The following ZNF713 variants were observed in gnomAD, a reference collection of about 807,000 sequenced individuals.
ZNF713 encodes zinc finger protein 713.
In ZNF713, 21 loss-of-function variants were observed where a neutral mutation model predicts 28.7. The ratio of observed to expected loss-of-function variants is 0.73; its 90% CI spans 0.52 to 1.05. ZNF713 has a LOEUF of 1.05. Ranked by LOEUF, ZNF713 falls within the 50% of genes least tolerant of loss-of-function variation. The pLI, the probability that ZNF713 is intolerant of heterozygous loss-of-function variation, is 0.00. For synonymous variants in ZNF713, 167 were observed against 178.0 expected (o/e 0.94, Z 0.49); for missense variants, 458 against 532.4 (o/e 0.86, Z 1.37).
intron 1 of ZNF713, among the ~76,000 whole-genome samples, chr7:55,892,056 G>T (rs554607515): frequency 1.3e-5 from 2 of 152,158 alleles, no homozygotes; most frequent in East Asian, 1.9e-4. Flanking sequence ...TAGGCAGGCG[G>T]ATCACGAGGT....
At chr7:55,891,179 C>G (rs1437923278) in intron 1 of ZNF713, among the ~76,000 whole-genome samples, 1 of 152,026 alleles carries the variant, frequency 6.6e-6, no homozygotes, top group Non-Finnish European at 1.5e-5. Context: ...TATACAGGAA[C>G]TAAGAAATAA....
At chr7:55,903,290 C>T (rs1029193704) in intron 1 of ZNF713, among the ~76,000 whole-genome samples, 2 of 152,154 alleles carry the variant, frequency 1.3e-5, no homozygotes, top group Non-Finnish European at 2.9e-5. Flanking sequence ...AGACCAGGTT[C>T]CTACCGTCAT....
chr7:55,888,743 A>ATGCG (rs371273023), intron 1 of ZNF713, among the ~76,000 whole-genome samples: 3 of 108,708 alleles, frequency 2.8e-5, no homozygotes, highest in African/African-American at 7.1e-5. Flanking sequence ...ACGTACATAC[A>ATGCG]TACATAGATT....
At chr7:55,892,565 A>AAC (rs1554335050) in intron 1 of ZNF713, among the ~76,000 whole-genome samples, 3 of 149,782 alleles carry the variant, frequency 2.0e-5, no homozygotes, top group Non-Finnish European at 4.5e-5. Context: ...CAAAAAAAAA[A>AAC]AAAAAAAAAA....
chr7:55,897,935 A>G (rs1187866789), intron 1 of ZNF713, among the ~76,000 whole-genome samples: 1 of 152,186 alleles, frequency 6.6e-6, no homozygotes, highest in Non-Finnish European at 1.5e-5. Flanking sequence ...CAATGAGATG[A>G]CTGGTGACTC....
intron 6 of ZNF713, among the ~76,000 whole-genome samples, chr7:55,933,935 G>A (rs997244776): frequency 3.3e-5 from 5 of 151,864 alleles, no homozygotes; most frequent in Admixed American, 3.3e-4. Context: ...TGAGCTCCTG[G>A]GCTCAAGCAT....
At chr7:55,933,910 T>G (rs2116265379) in intron 6 of ZNF713, among the ~76,000 whole-genome samples, 1 of 152,156 alleles carries the variant, frequency 6.6e-6, no homozygotes, top group East Asian at 1.9e-4. Flanking sequence ...TTTGCCATGT[T>G]GCCCAGGCTG....
At chr7:55,937,057 G>T (rs941567091) in intron 6 of ZNF713, among the ~76,000 whole-genome samples, 2 of 152,154 alleles carry the variant, frequency 1.3e-5, no homozygotes, top group African/African-American at 4.8e-5. Flanking sequence ...CCAGCACTTG[G>T]GGAGGCCAAG....
At chr7:55,920,593 C>G (rs1426954367) in intron 4 of ZNF713, among the ~76,000 whole-genome samples, 1 of 152,168 alleles carries the variant, frequency 6.6e-6, no homozygotes, top group Non-Finnish European at 1.5e-5. Context: ...AAGAAGCTGT[C>G]TCGATAACAT....
intron 4 of ZNF713, among the ~76,000 whole-genome samples, chr7:55,919,504 T>G (rs1485014721): frequency 5.1e-5 from 3 of 58,468 alleles, no homozygotes; most frequent in African/African-American, 8.5e-5. Context: ...TTTTTTTTTT[T>G]TTTTTTTTTT....
At chr7:55,908,229 G>A (rs1584304036) in intron 2 of ZNF713, among the ~76,000 whole-genome samples, 1 of 136,646 alleles carries the variant, frequency 7.3e-6, no homozygotes, top group Non-Finnish European at 1.5e-5. Context: ...TGCAACCTCC[G>A]TCTCCCAGGC....
At chr7:55,929,913 A>C (rs1255807645) in intron 6 of ZNF713, among the ~76,000 whole-genome samples, 1 of 152,222 alleles carries the variant, frequency 6.6e-6, no homozygotes, top group Non-Finnish European at 1.5e-5. Flanking sequence ...TGCATGGTAT[A>C]AAATAATAAT....
chr7:55,895,367 G>C (rs1037145555), intron 1 of ZNF713, among the ~76,000 whole-genome samples: 3 of 150,606 alleles, frequency 2.0e-5, no homozygotes, highest in African/African-American at 4.9e-5. Context: ...TATTCATTGA[G>C]ATCGGGAATA....
At chr7:55,902,547 T>C (rs1785597194) in intron 1 of ZNF713, among the ~76,000 whole-genome samples, 1 of 152,194 alleles carries the variant, frequency 6.6e-6, no homozygotes, top group Non-Finnish European at 1.5e-5. Flanking sequence ...GCGTTGATGG[T>C]AATGAACTCC....
rs561372887 is a variant in ZNF713, at chr7:55,909,701, T to A, written c.-455-1915T>A. Among the ~76,000 whole-genome samples, 12 of 152,322 alleles carry A rather than the reference T, an allele frequency of 7.9e-5. No individual in the cohort carries two copies. In the South Asian group the frequency reaches 2.5e-3, roughly 32 times the overall value. ...GATGTTTTTTCATTTGTTTGTGTCATCTACCATTTCTTTCATCAGTGTTTT... is the reference window on the plus strand; with the variant it reads ...GATGTTTTTTCATTTGTTTGTGTCAACTACCATTTCTTTCATCAGTGTTTT... On this transcript the variant is annotated intron_variant, in intron 2 of 6. Coordinates refer to ENST00000429591, the MANE Select transcript of ZNF713 (RefSeq NM_182633.3).
chr7:55,923,199 C>G lies in ZNF713; in HGVS notation c.125C>G (p.Thr42Ser). 1 of 1,613,436 alleles carries G rather than the reference C, an allele frequency of 6.2e-7. No individual in the cohort carries two copies. ...TTTCAGGATGTGGCCGTGGACTTCA[C>G]CAGAGAGGAGTGGGACCAGCTGTAC... is the stretch of plus-strand genomic sequence containing the variant. ...LTFQDVAVDFTREEWDQLYPA... is the reference protein window; with the variant it reads ...LTFQDVAVDFSREEWDQLYPA... The change falls in exon 5 of 7, where the codon ACC becomes AGC. Residue 42 changes from threonine to serine, a missense_variant. Transcript: ENST00000429591.
chr7:55,893,405 C>T (rs113846322), intron 1 of ZNF713, among the ~76,000 whole-genome samples: 3 of 152,256 alleles, frequency 2.0e-5, no homozygotes, highest in African/African-American at 7.2e-5. Context: ...AGTATTCCTT[C>T]CTACCCAGTG....
intron 4 of ZNF713, among the ~76,000 whole-genome samples, chr7:55,916,665 C>G (rs1461347114): frequency 6.6e-6 from 1 of 152,164 alleles, no homozygotes; most frequent in Non-Finnish European, 1.5e-5. Flanking sequence ...ATAAAGGTAA[C>G]ATCTCAAACC....
chr7:55,935,303 A>G (rs867030168), intron 6 of ZNF713, among the ~76,000 whole-genome samples: 1 of 152,186 alleles, frequency 6.6e-6, no homozygotes, highest in African/African-American at 2.4e-5. Flanking sequence ...GAAACCTAAA[A>G]TTTAACAGCA....
Sources: gnomAD v4.1 joint callset for allele counts (sites outside exome capture counted in the v4.1 genomes callset) on GRCh38, gnomAD v4.1.1 for gene constraint, MANE v1.5 for transcripts, NCBI Gene and HGNC (gene_info 2026-07-23, HGNC 2026-07-21) for gene names.